Variants in HIP1 observed in about 807,000 individuals in gnomAD.
HIP1 encodes the protein huntingtin-interacting protein 1.
HIP1 carries 65 observed loss-of-function variants against 147.6 expected under a neutral mutation model. That is an observed-to-expected ratio of 0.44 (90% CI 0.36 to 0.54). The LOEUF is 0.54. Ranked by LOEUF, HIP1 falls within the 20% of genes least tolerant of loss-of-function variation. HIP1 has a pLI of 0.00. For missense variants in HIP1, 1,061 were observed against 1,299.6 expected (o/e 0.82, Z 2.82); for synonymous variants, 479 against 504.0 (o/e 0.95, Z 0.67).
intron 1 of HIP1, among the ~76,000 whole-genome samples, chr7:75,622,887 ATCTATC>A (rs1563251996): frequency 1.0e-3 from 152 of 145,176 alleles, no homozygotes; most frequent in African/African-American, 3.8e-3. Context: ...CTATCTATCT[ATCTATC>A]TATATATTTT....
At chr7:75,677,733 C>T (rs943991303) in intron 1 of HIP1, among the ~76,000 whole-genome samples, 1 of 152,008 alleles carries the variant, frequency 6.6e-6, no homozygotes. Flanking sequence ...CCTCTCGGCC[C>T]CACTCAGTGC....
intron 1 of HIP1, among the ~76,000 whole-genome samples, chr7:75,604,699 G>T (rs1554503576): frequency 1.3e-5 from 2 of 150,966 alleles, no homozygotes; most frequent in Admixed American, 1.3e-4. Context: ...AAGGAAGGAA[G>T]GGAGGGAGGG....
At chr7:75,555,230 A>T (rs1554493002) in intron 19 of HIP1, among the ~76,000 whole-genome samples, 186 bp downstream of exon 19, 1 of 136,750 alleles carries the variant, frequency 7.3e-6, no homozygotes, top group Admixed American at 8.0e-5. Flanking sequence ...ATACTAGTGT[A>T]TAGGCACTAA....
rs781907345 is a variant in HIP1 at position 75,541,954 on chromosome 7, G to C, written c.2917C>G (p.Leu973Val). 27 of 1,613,856 alleles carry C rather than the reference G, an allele frequency of 1.7e-5. No individual in the cohort carries two copies. The highest frequency in any genetic ancestry group is 2.3e-5 in the Non-Finnish European group (27 of 1,179,854). ...TDNMDFSSMT[L>V]TQIKRQEMDS... Reference sequence around the variant, plus strand: ...ATCTCTTGGCGTTTGATCTGTGTCAGCGTCATGCTTGAGAAGTCCATGTTG... The same window carrying C: ...ATCTCTTGGCGTTTGATCTGTGTCACCGTCATGCTTGAGAAGTCCATGTTG... The change falls in exon 29 of 31, where the codon CTG (leucine) becomes GTG (valine). Residue 973 changes from leucine to valine, a missense_variant. Physicochemically the swap from Leu to Val is conservative, Grantham distance 32 (BLOSUM62 1). Around this residue, in one of 3 missense-constraint regions of HIP1, gnomAD observed 810 missense variants for 946.8 expected, o/e 0.86. Coordinates refer to ENST00000336926, the MANE Select transcript of HIP1 (RefSeq NM_005338.7).
At chr7:75,678,927 C>G (rs368559876) in intron 1 of HIP1, among the ~76,000 whole-genome samples, 2 of 152,258 alleles carry the variant, frequency 1.3e-5, no homozygotes, top group East Asian at 3.9e-4. Context: ...TAATAGTAGC[C>G]TAAAACGATA....
At chr7:75,599,376 G>A (rs986832691) in intron 1 of HIP1, 129 bp from the exon 2 acceptor site, 18 of 719,642 alleles carry the variant, frequency 2.5e-5, no homozygotes, top group Admixed American at 4.4e-5. Context: ...ACGGGTGGTC[G>A]GTTCCTCTGC....
chr7:75,595,453 G>A lies in HIP1; in HGVS notation c.185-2939C>T, dbSNP rs587706568. Among the ~76,000 whole-genome samples, 27 of 150,754 alleles carry A rather than the reference G, an allele frequency of 1.8e-4. No individual in the cohort carries two copies. The South Asian group carries it at 5.5e-3, about 30-fold the overall frequency. On this transcript the variant is annotated intron_variant, in intron 2 of 30. Transcript: ENST00000336926. ...CACCTCCCAGGTTCAAGTGATTCTCGTGCCTCAGCCTCCCAAGTAGCTGGG... is the reference window on the plus strand; with the variant it reads ...CACCTCCCAGGTTCAAGTGATTCTCATGCCTCAGCCTCCCAAGTAGCTGGG...
chr7:75,615,652 T>C (rs1225105696), intron 1 of HIP1, among the ~76,000 whole-genome samples: 1 of 151,942 alleles, frequency 6.6e-6, no homozygotes, highest in Non-Finnish European at 1.5e-5. Flanking sequence ...CTTATGCCTG[T>C]AATCCCAACA....
chr7:75,556,739 G>T lies in HIP1; in HGVS notation c.1654C>A (p.Leu552Met), dbSNP rs782736369. The change falls in exon 17 of 31, where the codon CTG becomes ATG. Residue 552 changes from leucine (L) to methionine (M), a missense_variant. By Grantham distance (15) the Leu-to-Met change is conservative. Around this residue, in one of 3 missense-constraint regions of HIP1, gnomAD observed 810 missense variants for 946.8 expected, o/e 0.86. Transcript: ENST00000336926. ...LATSQRELQV[L>M]QGSLETSAQS... The stretch of plus-strand genomic sequence containing the variant: ...GCAGAAGTTTCCAGGCTGCCTTGCA[G>T]AACCTGAAGCTCCCGTTGGCTTGTG... 2 of 1,612,810 alleles carry T rather than the reference G, an allele frequency of 1.2e-6. No homozygotes were observed. The highest frequency in any genetic ancestry group is 1.7e-6 in the Non-Finnish European group (2 of 1,179,058).
intron 1 of HIP1, among the ~76,000 whole-genome samples, chr7:75,683,148 A>C (rs1384420546): frequency 6.6e-6 from 1 of 151,734 alleles, no homozygotes; most frequent in Non-Finnish European, 1.5e-5. Flanking sequence ...TGCCCAGCTA[A>C]TTTTTGTATT....
At chr7:75,719,810 T>C (rs549732870) in intron 1 of HIP1, among the ~76,000 whole-genome samples, 1 of 152,264 alleles carries the variant, frequency 6.6e-6, no homozygotes, top group Admixed American at 6.5e-5. Context: ...CTGATACCCA[T>C]AGCAGGTAAA....
rs1359491019 is a variant in HIP1, at chr7:75,568,508, G to A, written c.746-252C>T. On this transcript the variant is annotated intron_variant, in intron 8 of 30. Coordinates refer to ENST00000336926, the MANE Select transcript of HIP1 (RefSeq NM_005338.7). This position sits in a 1 kb window ranked among gnomAD's most constrained non-coding sequence, Gnocchi z 4.1. ...AGTTCCTGAAGGACAAGCCATGCCGGGCACAATAGGGTGGAAATTGTGTCC... is the reference window on the plus strand; with the variant it reads ...AGTTCCTGAAGGACAAGCCATGCCGAGCACAATAGGGTGGAAATTGTGTCC... 2.6e-5 allele frequency among the ~76,000 whole-genome samples: 4 copies of A among 152,210 alleles called. No homozygotes were observed. The highest frequency in any genetic ancestry group is 2.6e-4 in the Admixed American group (4 of 15,266).
chr7:75,645,295 T>G (rs1320299835), intron 1 of HIP1, among the ~76,000 whole-genome samples: 1 of 152,088 alleles, frequency 6.6e-6, no homozygotes. Context: ...GGTGCAATCT[T>G]GGCTCACTGC....
intron 1 of HIP1, among the ~76,000 whole-genome samples, chr7:75,668,395 G>A (rs1403036964): frequency 6.6e-6 from 1 of 152,160 alleles, no homozygotes; most frequent in African/African-American, 2.4e-5. Context: ...TGCCATCTCA[G>A]CTCACTGCAA....
intron 1 of HIP1, among the ~76,000 whole-genome samples, chr7:75,716,826 A>AGGG (rs1429940517): frequency 2.8e-5 from 4 of 144,282 alleles, no homozygotes; most frequent in African/African-American, 5.6e-5. Flanking sequence ...GCTTTTTTTT[A>AGGG]GGGGGGGGGA....
At chr7:75,639,816 G>C (rs1798588220) in intron 1 of HIP1, among the ~76,000 whole-genome samples, 1 of 152,056 alleles carries the variant, frequency 6.6e-6, no homozygotes. Context: ...TGCCTCCTGC[G>C]GCTAATCTGG....
intron 19 of HIP1, among the ~76,000 whole-genome samples, chr7:75,555,055 T>G (rs1276243772): frequency 6.6e-6 from 1 of 151,666 alleles, no homozygotes; most frequent in Non-Finnish European, 1.5e-5. Flanking sequence ...GGCGTGGTGT[T>G]GCGTGCCTGT....
intron 1 of HIP1, among the ~76,000 whole-genome samples, chr7:75,603,894 A>AG (rs1280850113): frequency 1.3e-5 from 2 of 151,940 alleles, no homozygotes; most frequent in African/African-American, 4.8e-5. Flanking sequence ...GAAAAAAAAA[A>AG]AGATGCAAGT....
chr7:75,581,545 G>A (rs945790103), intron 6 of HIP1, among the ~76,000 whole-genome samples: 5 of 152,186 alleles, frequency 3.3e-5, no homozygotes, highest in Admixed American at 6.5e-5. Context: ...TTGGGAGGCC[G>A]AGGTGGGCGG....
Sources: gnomAD v4.1 joint callset for allele counts (sites outside exome capture counted in the v4.1 genomes callset) on GRCh38, gnomAD v4.1.1 for gene constraint, gnomAD v4.1.1 regional missense constraint, Gnocchi (gnomAD v3.1) non-coding constraint, MANE v1.5 for transcripts, NCBI Gene and HGNC (gene_info 2026-07-23, HGNC 2026-07-21) for gene names.